CCDC91: variants seen among roughly 807,000 people sequenced by gnomAD.
CCDC91 encodes the protein coiled-coil domain containing 91.
Under a neutral mutation model 63.2 loss-of-function variants are expected in CCDC91, and 48 were observed. That is an observed-to-expected ratio of 0.76 (90% CI 0.60 to 0.97). The LOEUF is 0.97. Among genes scored for constraint, CCDC91 ranks in the 50% least tolerant of loss-of-function variants. The pLI is 0.00. For synonymous variants in CCDC91, 167 were observed against 165.8 expected, an observed-to-expected ratio of 1.01 and a Z score of -0.06; for missense variants, 500 against 494.6, an observed-to-expected ratio of 1.01 and a Z score of -0.10.
At chr12:28,412,680 T>G in intron 8 of CCDC91, 1 of 444,550 alleles carries the variant, frequency 2.2e-6, no homozygotes. Context: ...CTGAGCAGGT[T>G]GCTGCTGCTG....
chr12:28,408,001 T>G (rs1296380284), intron 8 of CCDC91, among the ~76,000 whole-genome samples: 6 of 151,152 alleles, frequency 4.0e-5, no homozygotes, highest in Non-Finnish European at 8.8e-5. Flanking sequence ...AGTTCTGGGA[T>G]ACATGTGCAG....
chr12:28,217,637 A>G (rs1378949325), intron 1 of CCDC91, among the ~76,000 whole-genome samples: 6 of 152,146 alleles, frequency 3.9e-5, no homozygotes, highest in African/African-American at 7.2e-5. Context: ...GTAGGATTTC[A>G]TGGTAGGAAT....
At chr12:28,205,326 TACTC>T (rs1056674641) in intron 1 of CCDC91, among the ~76,000 whole-genome samples, 8 of 152,038 alleles carry the variant, frequency 5.3e-5, no homozygotes, top group African/African-American at 1.9e-4. Context: ...TAGATACTGG[TACTC>T]AATTACATAT....
chr12:28,445,814 C>T (rs1470850811), intron 8 of CCDC91, among the ~76,000 whole-genome samples: 6 of 152,136 alleles, frequency 3.9e-5, no homozygotes, highest in African/African-American at 9.7e-5. Context: ...AGAGAATACG[C>T]GAGTGCTCTT....
At chr12:28,330,623 T>A (rs1283214506) in intron 6 of CCDC91, among the ~76,000 whole-genome samples, 1 of 152,190 alleles carries the variant, frequency 6.6e-6, no homozygotes, top group East Asian at 1.9e-4. Flanking sequence ...TTTAATTAGA[T>A]CCCATTTGTC....
chr12:28,319,539 A>T (rs1940262870), intron 6 of CCDC91: 1 of 172,446 alleles, frequency 5.8e-6, no homozygotes, highest in Admixed American at 6.3e-5. Flanking sequence ...AGATACCAAA[A>T]TCCATAAATG....
chr12:28,262,986 A>C (rs1207017458), intron 3 of CCDC91, among the ~76,000 whole-genome samples: 2 of 151,978 alleles, frequency 1.3e-5, no homozygotes, highest in African/African-American at 4.8e-5. Flanking sequence ...TTCTGCTTGA[A>C]GCCTGTAAGC....
rs57660180 is a variant in CCDC91 at position 28,304,402 on chromosome 12, G to GA, written c.110-1234dup. Among the ~76,000 whole-genome samples, 217 of 99,284 alleles carry GA rather than the reference G, an allele frequency of 2.2e-3. 2 individuals are homozygous for GA. Among genetic ancestry groups the GA allele is most frequent in the African/African-American group, 8.3e-3 (201 of 24,274 alleles). The allele number at this position is 99,284 out of a possible 152,430, so 65.1% of individuals were successfully genotyped here. ...AAAAAAAAAAAAAAAAAAAAAAAAA[G>GA]AAAAAAAAAAAAAGAAAAAAAGAAA... On this transcript the variant is annotated intron_variant, in intron 3 of 12. Coordinates refer to ENST00000536442, the MANE Select transcript of CCDC91 (RefSeq NM_018318.5).
chr12:28,194,652 G>A (rs1189121753), intron 1 of CCDC91, among the ~76,000 whole-genome samples: 1 of 151,410 alleles, frequency 6.6e-6, no homozygotes, highest in Admixed American at 6.6e-5. Context: ...ATTCCTCCTG[G>A]TGGGTTTGTG....
At chr12:28,372,759 G>C (rs1944702176) in intron 7 of CCDC91, among the ~76,000 whole-genome samples, 1 of 152,080 alleles carries the variant, frequency 6.6e-6, no homozygotes, top group Non-Finnish European at 1.5e-5. Flanking sequence ...CAGGTATGCA[G>C]TCATGTCATT....
At chr12:28,251,877 T>C (rs1218373032) in intron 1 of CCDC91, among the ~76,000 whole-genome samples, 3 of 152,106 alleles carry the variant, frequency 2.0e-5, no homozygotes, top group African/African-American at 7.2e-5. Flanking sequence ...CTGGGAGAAA[T>C]CCCTTTGCTT....
intron 1 of CCDC91, among the ~76,000 whole-genome samples, chr12:28,228,860 T>C (rs1944427263): frequency 6.6e-6 from 1 of 152,162 alleles, no homozygotes; most frequent in Non-Finnish European, 1.5e-5. Flanking sequence ...AAGAATACAT[T>C]TTTGAGGATA....
At chr12:28,281,117 A>G (rs1197958978) in intron 3 of CCDC91, among the ~76,000 whole-genome samples, 1 of 152,148 alleles carries the variant, frequency 6.6e-6, no homozygotes, top group Non-Finnish European at 1.5e-5. Flanking sequence ...GATATTTGGC[A>G]GTAGTCTATT....
chr12:28,466,140 A>T (rs965378648), intron 11 of CCDC91, among the ~76,000 whole-genome samples: 11 of 152,302 alleles, frequency 7.2e-5, no homozygotes, highest in African/African-American at 2.6e-4. Flanking sequence ...AGAAAGAATT[A>T]CTGAGCTTGA....
At chr12:28,214,636 A>G (rs943176605) in intron 1 of CCDC91, among the ~76,000 whole-genome samples, 16 of 152,104 alleles carry the variant, frequency 1.1e-4, no homozygotes, top group Admixed American at 9.2e-4. Flanking sequence ...GTCATGTAAT[A>G]TAAGATAGTT....
At chr12:28,499,625 G>C (rs1952514724) in intron 12 of CCDC91, among the ~76,000 whole-genome samples, 1 of 151,790 alleles carries the variant, frequency 6.6e-6, no homozygotes, top group Admixed American at 6.6e-5. Context: ...CTGTTCTTGT[G>C]AGAATAATGG....
At chr12:28,428,842 G>A (rs895247663) in intron 8 of CCDC91, among the ~76,000 whole-genome samples, 4 of 152,058 alleles carry the variant, frequency 2.6e-5, no homozygotes, top group African/African-American at 9.7e-5. Context: ...TTTTGTGAGT[G>A]AACAGATGGG....
chr12:28,392,828 T>G (rs1437959042), intron 8 of CCDC91, among the ~76,000 whole-genome samples: 1 of 152,228 alleles, frequency 6.6e-6, no homozygotes. Context: ...CTCTCCATTA[T>G]CAGGTCCAGA....
intron 8 of CCDC91, among the ~76,000 whole-genome samples, chr12:28,420,234 A>G (rs762386298): frequency 6.6e-6 from 1 of 152,110 alleles, no homozygotes; most frequent in Non-Finnish European, 1.5e-5. Flanking sequence ...AATCATAACA[A>G]TGCATTCTGT....
Sources: allele counts gnomAD v4.1 joint callset (sites outside exome capture counted in the v4.1 genomes callset), GRCh38; gene constraint gnomAD v4.1.1; transcripts MANE v1.5; gene names NCBI Gene and HGNC (gene_info 2026-07-23, HGNC 2026-07-21).